TMEM117: variants seen among roughly 807,000 people sequenced by gnomAD.
The protein encoded by TMEM117 is transmembrane protein 117.
Under a neutral mutation model 52.4 loss-of-function variants are expected in TMEM117, and 27 were observed. That is an observed-to-expected ratio of 0.51 (90% CI 0.38 to 0.71). The LOEUF is 0.71. Ranked by LOEUF, TMEM117 falls within the 30% of genes least tolerant of loss-of-function variation. The pLI, the probability that TMEM117 is intolerant of heterozygous loss-of-function variation, is 0.00. For synonymous variants in TMEM117, 215 were observed against 206.3 expected (o/e 1.04, Z -0.36); for missense variants, 556 against 630.5 (o/e 0.88, Z 1.26).
chr12:44,136,697 G>A (rs1355591552), intron 3 of TMEM117, among the ~76,000 whole-genome samples: 1 of 152,052 alleles, frequency 6.6e-6, no homozygotes, highest in Non-Finnish European at 1.5e-5. Flanking sequence ...ATATGATTAA[G>A]TAGATTTTCA....
At chr12:44,279,728 G>A (rs1205781789) in intron 5 of TMEM117, among the ~76,000 whole-genome samples, 1 of 152,040 alleles carries the variant, frequency 6.6e-6, no homozygotes, top group African/African-American at 2.4e-5. Context: ...TGCCCAGGCT[G>A]GTCTTGAACT....
At chr12:44,202,649 C>T (rs547158794) in intron 4 of TMEM117, among the ~76,000 whole-genome samples, 144 of 152,178 alleles carry the variant, frequency 9.5e-4, no homozygotes, top group Non-Finnish European at 1.5e-3. Flanking sequence ...ACAATGATGC[C>T]GGCCTCATAG....
At chr12:44,033,317 T>G (rs1946661721) in intron 3 of TMEM117, among the ~76,000 whole-genome samples, 1 of 152,132 alleles carries the variant, frequency 6.6e-6, no homozygotes, top group Non-Finnish European at 1.5e-5. Context: ...TCTGGGCTGC[T>G]CTGTCTATCG....
At chr12:44,289,349 A>G (rs1175573008) in intron 5 of TMEM117, among the ~76,000 whole-genome samples, 3 of 151,810 alleles carry the variant, frequency 2.0e-5, no homozygotes, top group African/African-American at 7.3e-5. Context: ...GATGATATGA[A>G]CAAGAAAGTG....
intron 4 of TMEM117, among the ~76,000 whole-genome samples, chr12:44,181,943 G>A (rs1949206380): frequency 2.0e-5 from 3 of 152,158 alleles, no homozygotes; most frequent in Admixed American, 2.0e-4. Context: ...ATTACCTTGG[G>A]CAGTATGGCC....
upstream of TMEM117, among the ~76,000 whole-genome samples, chr12:43,833,060 T>C (rs554361893): frequency 9.9e-5 from 15 of 152,270 alleles, no homozygotes; most frequent in Admixed American, 4.6e-4. Context: ...AAAGGGAACA[T>C]TGATGCTGAA....
chr12:44,270,536 G>A (rs1950433479), intron 5 of TMEM117, among the ~76,000 whole-genome samples: 1 of 152,062 alleles, frequency 6.6e-6, no homozygotes, highest in Non-Finnish European at 1.5e-5. Context: ...GGATTTTCCA[G>A]GTATACGATC....
At chr12:44,206,540 A>G (rs1490402036) in intron 4 of TMEM117, among the ~76,000 whole-genome samples, 1 of 152,204 alleles carries the variant, frequency 6.6e-6, no homozygotes, top group East Asian at 1.9e-4. Flanking sequence ...ACTATTCACA[A>G]TAGCAAGATG....
rs984812683 is a variant in TMEM117, at chr12:44,329,001, G to T, written c.768+29262G>T. 4.6e-5 allele frequency among the ~76,000 whole-genome samples: 7 copies of T among 151,718 alleles called. No individual in the cohort carries two copies. In the East Asian group the frequency reaches 1.4e-3, roughly 30 times the overall value. ...GAGATGCCACATGGGTCGCAGAAGGGACAAGCAGAAGCCATGAAGTGAGTA... is the reference window on the plus strand; with the variant it reads ...GAGATGCCACATGGGTCGCAGAAGGTACAAGCAGAAGCCATGAAGTGAGTA... On this transcript the variant is annotated intron_variant, in intron 6 of 7. Coordinates refer to ENST00000266534, the MANE Select transcript of TMEM117 (RefSeq NM_032256.3).
chr12:44,240,733 A>G (rs574791613), intron 5 of TMEM117, among the ~76,000 whole-genome samples: 67 of 152,078 alleles, frequency 4.4e-4, no homozygotes, highest in African/African-American at 1.6e-3. Context: ...ACCTTTCCAC[A>G]TTTTATAGAA....
chr12:43,840,850 A>G (rs1943105662), intron 1 of TMEM117, among the ~76,000 whole-genome samples: 1 of 152,106 alleles, frequency 6.6e-6, no homozygotes, highest in African/African-American at 2.4e-5. Context: ...AACATAGTCC[A>G]TTTGAACAGC....
At chr12:44,020,202 G>A (rs1946435611) in intron 3 of TMEM117, among the ~76,000 whole-genome samples, 1 of 152,078 alleles carries the variant, frequency 6.6e-6, no homozygotes, top group African/African-American at 2.4e-5. Context: ...AAAATAATAT[G>A]GTCTGTGTTA....
At chr12:44,106,062 G>A (rs560089566) in intron 3 of TMEM117, among the ~76,000 whole-genome samples, 3 of 152,090 alleles carry the variant, frequency 2.0e-5, no homozygotes, top group Admixed American at 6.6e-5. Context: ...CCTGGCACTG[G>A]TTCCCTCAGA....
intron 6 of TMEM117, among the ~76,000 whole-genome samples, chr12:44,373,832 A>G (rs1951899974): frequency 8.7e-6 from 1 of 114,816 alleles, no homozygotes; most frequent in Non-Finnish European, 1.6e-5. Context: ...CCCAGGCTGG[A>G]GTACAGTGGT....
intron 6 of TMEM117, among the ~76,000 whole-genome samples, chr12:44,309,913 A>G (rs1241909222): frequency 6.6e-6 from 1 of 152,198 alleles, no homozygotes; most frequent in Non-Finnish European, 1.5e-5. Flanking sequence ...AGGTGATAGG[A>G]AGTTTAGTGA....
Position 44,211,350 on chromosome 12 carries a change from T to C in TMEM117, c.571T>C (p.Phe191Leu). The C allele has an allele frequency of 6.2e-7, 1 of 1,612,094 alleles. No homozygotes were observed. The highest frequency in any genetic ancestry group is 8.5e-7 in the Non-Finnish European group (1 of 1,179,132). Residue 191 changes from phenylalanine (F) to leucine (L), a missense_variant, in exon 5 of 8, where the codon TTC becomes CTC. Phe to Leu is a conservative substitution (Grantham distance 22). This residue lies in a region of TMEM117 where 328 missense variants were observed against 371.4 expected (regional missense o/e 0.88). Coordinates refer to ENST00000266534, the MANE Select transcript of TMEM117 (RefSeq NM_032256.3). The stretch of plus-strand genomic sequence containing the variant: ...TGACTGGGGAAAATCAGCAAGAGCT[T>C]TCTGGAAGAAAGGAAATGTTAGGAT... ...YPDWGKSARA[F>L]WKKGNVRITL...
At chr12:44,136,835 A>G (rs1002434843) in intron 3 of TMEM117, among the ~76,000 whole-genome samples, 1 of 152,116 alleles carries the variant, frequency 6.6e-6, no homozygotes, top group African/African-American at 2.4e-5. Flanking sequence ...TTTTTATTCC[A>G]GAAGAGGTAA....
intron 3 of TMEM117, among the ~76,000 whole-genome samples, chr12:44,054,059 T>C (rs766007507): frequency 2.0e-5 from 3 of 152,168 alleles, no homozygotes; most frequent in Non-Finnish European, 4.4e-5. Context: ...GTTGAAAAAT[T>C]GCATCCCTGA....
At position 44,143,543 on chromosome 12, in the gene TMEM117, C is replaced by G; in HGVS notation, c.429C>G (p.Asp143Glu). The change falls in exon 4 of 8, where the codon GAC becomes GAG. Residue 143 changes from aspartate (D) to glutamate (E), a missense_variant. Physicochemically the swap from Asp to Glu is conservative, Grantham distance 45 (BLOSUM62 2). This residue lies in a region of TMEM117 where 328 missense variants were observed against 371.4 expected (regional missense o/e 0.88). Coordinates refer to ENST00000266534, the MANE Select transcript of TMEM117 (RefSeq NM_032256.3). The stretch of plus-strand genomic sequence containing the variant: ...TCCACAGAGCATATATCATTACAGA[C>G]TATATGGGCATCCGAAATGAAAGTT... ...DGNMGAYIIT[D>E]YMGIRNESFM... 1.9e-6 allele frequency: 3 copies of G among 1,613,238 alleles called. No individual in the cohort carries two copies. The highest frequency in any genetic ancestry group is 2.5e-6 in the Non-Finnish European group (3 of 1,179,298).
Sources: gnomAD v4.1 joint callset for allele counts (sites outside exome capture counted in the v4.1 genomes callset) on GRCh38, gnomAD v4.1.1 for gene constraint, gnomAD v4.1.1 regional missense constraint, MANE v1.5 for transcripts, NCBI Gene and HGNC (gene_info 2026-07-23, HGNC 2026-07-21) for gene names.